NCKAP5: variants seen among roughly 807,000 people sequenced by gnomAD.
NCKAP5 encodes NCK associated protein 5.
Under a neutral mutation model 167.0 loss-of-function variants are expected in NCKAP5, and 92 were observed. That is an observed-to-expected ratio of 0.55 (90% CI 0.47 to 0.66). NCKAP5 has a LOEUF of 0.66. Among genes scored for constraint, NCKAP5 ranks in the 30% least tolerant of loss-of-function variants. NCKAP5 has a pLI of 0.00. For missense variants in NCKAP5, 2,378 were observed against 2,315.0 expected (o/e 1.03, Z -0.56); for synonymous variants, 891 against 877.4 (o/e 1.02, Z -0.27).
intron 8 of NCKAP5, among the ~76,000 whole-genome samples, chr2:132,940,074 T>C (rs72614496): frequency 0.024 from 3,647 of 152,258 alleles, 143 homozygotes; most frequent in East Asian, 0.16. Context: ...CCAAAGTCCA[T>C]TATATCATTC....
intron 11 of NCKAP5, among the ~76,000 whole-genome samples, chr2:132,857,227 AT>A (rs1456274971): frequency 6.6e-6 from 1 of 151,842 alleles, no homozygotes; most frequent in African/African-American, 2.4e-5. Context: ...ATGATTCCTA[AT>A]TTTTGTTTTC....
chr2:133,400,681 G>A (rs1226000883), intron 3 of NCKAP5, among the ~76,000 whole-genome samples: 1 of 152,084 alleles, frequency 6.6e-6, no homozygotes, highest in African/African-American at 2.4e-5. Flanking sequence ...AAATTTCTGT[G>A]GTCTTAAACT....
intron 6 of NCKAP5, among the ~76,000 whole-genome samples, chr2:133,061,758 TAATC>T (rs1466878860): frequency 2.0e-5 from 3 of 152,226 alleles, no homozygotes; most frequent in Admixed American, 6.5e-5. Context: ...AGACAGGTCA[TAATC>T]AATCATAAGC....
chr2:132,860,792 T>C (rs1416049356), intron 10 of NCKAP5, among the ~76,000 whole-genome samples, 181 bp from the exon 11 acceptor site: 2 of 152,194 alleles, frequency 1.3e-5, no homozygotes, highest in East Asian at 3.9e-4. Flanking sequence ...AATTATTATG[T>C]GCAAAGAAGA....
chr2:133,289,484 G>T (rs775457559), intron 4 of NCKAP5, among the ~76,000 whole-genome samples: 17 of 152,080 alleles, frequency 1.1e-4, no homozygotes, highest in Non-Finnish European at 2.1e-4. Flanking sequence ...GCTCATGTCT[G>T]TAATCCTAGC....
intron 19 of NCKAP5, among the ~76,000 whole-genome samples, chr2:132,679,732 C>T (rs141079922): frequency 1.1e-4 from 17 of 152,266 alleles, no homozygotes; most frequent in African/African-American, 3.4e-4. Context: ...TGAAGCTGAA[C>T]ATGTGATTTA....
chr2:133,616,326 A>T, the NCKAP5 span, among the ~76,000 whole-genome samples: 1 of 151,732 alleles, frequency 6.6e-6, no homozygotes, highest in Non-Finnish European at 1.5e-5. Context: ...GGAAATAGAG[A>T]CACAAAAAAC....
intron 2 of NCKAP5, among the ~76,000 whole-genome samples, chr2:133,523,094 C>A (rs554335928): frequency 6.9e-6 from 1 of 144,962 alleles, no homozygotes; most frequent in South Asian, 2.3e-4. Flanking sequence ...TCTAAGTTGG[C>A]CTTAATAACT....
intron 19 of NCKAP5, among the ~76,000 whole-genome samples, chr2:132,680,059 C>G (rs910145362): frequency 6.6e-6 from 1 of 152,018 alleles, no homozygotes; most frequent in African/African-American, 2.4e-5. Flanking sequence ...ATAGAATGAC[C>G]TTTGGTGATC....
At position 132,784,566 on chromosome 2, in the gene NCKAP5, C is replaced by G; in HGVS notation, c.2245G>C (p.Asp749His). The change falls in exon 14 of 20, where the codon GAT becomes CAT. Residue 749 changes from aspartate (D) to histidine (H), a missense_variant. Around this residue, in one of 3 missense-constraint regions of NCKAP5, gnomAD observed 1,049 missense variants for 1,023.4 expected, o/e 1.02. Transcript: ENST00000409261. ...TCAGTGGACACCCTGGGAACATTAT[C>G]TACATTATCTTTTGGAATGTTTTTC... is the stretch of plus-strand genomic sequence containing the variant. ...TEKNIPKDNV[D>H]NVPRVSTESF... The G allele has an allele frequency of 6.3e-7, 1 of 1,580,686 alleles. No individual in the cohort carries two copies. The highest frequency in any genetic ancestry group is 8.6e-7 in the Non-Finnish European group (1 of 1,162,706).
chr2:132,892,977 C>G (rs1163537457), intron 8 of NCKAP5, among the ~76,000 whole-genome samples: 1 of 143,688 alleles, frequency 7.0e-6, no homozygotes, highest in Non-Finnish European at 1.5e-5. Context: ...AATTCTTGAC[C>G]TCTGATCTAT....
intron 3 of NCKAP5, among the ~76,000 whole-genome samples, chr2:133,391,992 C>G (rs1687442910): frequency 6.6e-6 from 1 of 152,136 alleles, no homozygotes; most frequent in Non-Finnish European, 1.5e-5. Context: ...TTATGCCCAC[C>G]CCCATGGTTT....
At chr2:132,704,252 C>T (rs977978135) in intron 19 of NCKAP5, among the ~76,000 whole-genome samples, 4 of 152,048 alleles carry the variant, frequency 2.6e-5, no homozygotes, top group Non-Finnish European at 2.9e-5. Context: ...AGTAGGTATC[C>T]GTCTTTCCTA....
chr2:133,119,102 G>GA (rs1559157673), intron 6 of NCKAP5: 1 of 152,168 alleles, frequency 6.6e-6, no homozygotes, highest in African/African-American at 2.4e-5. Flanking sequence ...CTGGGTTCAA[G>GA]TGATTCTTCT....
chr2:133,295,565 G>A (rs16823369), intron 4 of NCKAP5, among the ~76,000 whole-genome samples: 3,342 of 152,264 alleles, frequency 0.022, 128 homozygotes, highest in African/African-American at 0.075. Flanking sequence ...TCAGGAAAAT[G>A]CTTGCATAGA....
intron 5 of NCKAP5, among the ~76,000 whole-genome samples, chr2:133,140,078 C>T (rs1326282678): frequency 6.6e-6 from 1 of 151,944 alleles, no homozygotes; most frequent in East Asian, 1.9e-4. Flanking sequence ...TCATTCTTCT[C>T]CCCTGGTCAC....
chr2:132,747,619 C>T (rs1679763255), intron 16 of NCKAP5, among the ~76,000 whole-genome samples: 1 of 152,142 alleles, frequency 6.6e-6, no homozygotes, highest in African/African-American at 2.4e-5. Context: ...GAGAGGGCAT[C>T]TAAGGAGCAG....
chr2:133,540,656 C>T (rs551580973), intron 2 of NCKAP5, among the ~76,000 whole-genome samples: 1 of 151,948 alleles, frequency 6.6e-6, no homozygotes, highest in Non-Finnish European at 1.5e-5. Context: ...CAATTGAAGG[C>T]CAGGCACAGT....
At chr2:132,819,130 A>C (rs1210778579) in intron 11 of NCKAP5, among the ~76,000 whole-genome samples, 1 of 152,142 alleles carries the variant, frequency 6.6e-6, no homozygotes, top group Non-Finnish European at 1.5e-5. Flanking sequence ...ATTGGTTATG[A>C]ACCTCACTGC....
Sources: allele counts gnomAD v4.1 joint callset (sites outside exome capture counted in the v4.1 genomes callset), GRCh38; gene constraint gnomAD v4.1.1; regional missense constraint gnomAD v4.1.1; transcripts MANE v1.5; gene names NCBI Gene and HGNC (gene_info 2026-07-23, HGNC 2026-07-21).